HERC6: variants seen among roughly 807,000 people sequenced by gnomAD.
HERC6 encodes the protein HECT and RLD domain containing E3 ubiquitin protein ligase family member 6.
Under a neutral mutation model 114.5 loss-of-function variants are expected in HERC6, and 101 were observed. The ratio of observed to expected loss-of-function variants is 0.88; its 90% CI spans 0.75 to 1.04. The LOEUF is 1.04. Among genes scored for constraint, HERC6 ranks in the 50% least tolerant of loss-of-function variants. The pLI is 0.00. For missense variants in HERC6, 1,133 were observed against 1,230.9 expected, an observed-to-expected ratio of 0.92 and a Z score of 1.19; for synonymous variants, 408 against 436.2, an observed-to-expected ratio of 0.94 and a Z score of 0.81.
Position 88,404,865 on chromosome 4 carries a change from C to T in HERC6, c.1093-11C>T, listed in dbSNP as rs1735739837. On this transcript the variant is annotated splice_polypyrimidine_tract_variant and intron_variant, in intron 8 of 22. Transcript: ENST00000264346. The stretch of plus-strand genomic sequence containing the variant: ...TGTTCCTGATCATTCTTGTTTCTTC[C>T]TTCCCTGAAGGATACTAGTTCCACA... The T allele has an allele frequency of 1.2e-6, 2 of 1,612,228 alleles. No homozygotes were observed. Among genetic ancestry groups the T allele is most frequent in the Non-Finnish European group, 1.7e-6 (2 of 1,179,068 alleles).
Position 88,385,565 on chromosome 4 carries a change from A to T in HERC6, c.426A>T (p.Ala142=). The T allele has an allele frequency of 6.7e-7, 1 of 1,497,642 alleles. No homozygotes were observed. Among genetic ancestry groups the T allele is most frequent in the Non-Finnish European group, 9.0e-7 (1 of 1,117,142 alleles). 92.8% of individuals were successfully genotyped at this position (1,497,642 alleles called of 1,614,324 possible). A position where few individuals can be genotyped will look rare whatever the true frequency, so the allele number is the denominator to read the frequency against. Residue 142 remains alanine (A), a synonymous_variant, in exon 3 of 23, where the codon GCA becomes GCT. Transcript: ENST00000264346. ...CCTGTGGACACTACCACTCCCTGGCATTATCAAAAGGTAAGAAACACTTTT... is the reference window on the plus strand; with the variant it reads ...CCTGTGGACACTACCACTCCCTGGCTTTATCAAAAGGTAAGAAACACTTTT... The part of the protein sequence containing the change: ...QVSCGHYHSL[A]LSKDSQVFSW...
At chr4:88,382,232 A>C (rs1032793751) in intron 1 of HERC6, among the ~76,000 whole-genome samples, 5 of 152,156 alleles carry the variant, frequency 3.3e-5, no homozygotes, top group Non-Finnish European at 7.4e-5. Flanking sequence ...GATGTTCTCA[A>C]CTCCAAACCT....
At chr4:88,434,235 G>C (rs934090336) in intron 17 of HERC6, among the ~76,000 whole-genome samples, 2 of 152,236 alleles carry the variant, frequency 1.3e-5, no homozygotes, top group South Asian at 4.1e-4. Context: ...AATCTTCAGT[G>C]ATGGTGAGTG....
chr4:88,406,744 TG>T (rs1289126841), intron 10 of HERC6, among the ~76,000 whole-genome samples: 2 of 152,178 alleles, frequency 1.3e-5, no homozygotes, highest in African/African-American at 2.4e-5. Context: ...AATCTTTCTT[TG>T]TTTTTTTATT....
intron 13 of HERC6, among the ~76,000 whole-genome samples, chr4:88,420,146 T>G (rs947682249): frequency 6.6e-6 from 1 of 152,150 alleles, no homozygotes; most frequent in Non-Finnish European, 1.5e-5. Flanking sequence ...AATTTACTTC[T>G]TAATAAAATA....
intron 12 of HERC6, among the ~76,000 whole-genome samples, chr4:88,416,421 T>C (rs1736481716): frequency 6.6e-6 from 1 of 152,184 alleles, no homozygotes; most frequent in Admixed American, 6.5e-5. Context: ...ATAATATGAA[T>C]TGCAAGTATT....
At chr4:88,401,144 G>T (rs1160620608) in intron 8 of HERC6, among the ~76,000 whole-genome samples, 5 of 152,160 alleles carry the variant, frequency 3.3e-5, no homozygotes, top group African/African-American at 1.2e-4. Flanking sequence ...ACAACTCTGA[G>T]AAATTTTGAT....
chr4:88,385,406 A>T, intron 2 of HERC6, 93 bp from the exon 3 acceptor site: 1 of 661,196 alleles, frequency 1.5e-6, no homozygotes. Flanking sequence ...CCTGGACCAG[A>T]TGTATTATTT....
rs768384498 is a variant in HERC6, at chr4:88,436,977, T to C, written c.2484+6T>C. 1 of 1,584,674 alleles carries C rather than the reference T, an allele frequency of 6.3e-7. No individual in the cohort carries two copies. Among genetic ancestry groups the C allele is most frequent in the Non-Finnish European group, 8.6e-7 (1 of 1,163,512 alleles). ...CGCTCTGCATACGCTTTTCTGTGAG[T>C]ACTAATGAAAGCCAAATTATAGTTT... On this transcript the variant is annotated splice_donor_region_variant and intron_variant, in intron 19 of 22. Coordinates refer to ENST00000264346, the MANE Select transcript of HERC6 (RefSeq NM_017912.4).
At chr4:88,391,383 T>A (rs1734910497) in intron 4 of HERC6, among the ~76,000 whole-genome samples, 1 of 152,202 alleles carries the variant, frequency 6.6e-6, no homozygotes, top group African/African-American at 2.4e-5. Context: ...CAGGCGCATC[T>A]CCCTTGTTTT....
intron 16 of HERC6, among the ~76,000 whole-genome samples, chr4:88,430,025 C>T (rs553655432): frequency 7.2e-5 from 11 of 152,068 alleles, no homozygotes; most frequent in Non-Finnish European, 1.3e-4. Context: ...CAGAAGTAGG[C>T]TTAATTTGTT....
intron 10 of HERC6, among the ~76,000 whole-genome samples, chr4:88,408,194 G>C (rs1192241897): frequency 6.6e-6 from 1 of 152,058 alleles, no homozygotes; most frequent in Non-Finnish European, 1.5e-5. Flanking sequence ...GGAGGGTGGG[G>C]GGTAGGTAGT....
intron 17 of HERC6, among the ~76,000 whole-genome samples, chr4:88,434,716 A>G (rs1179232692): frequency 6.6e-6 from 1 of 151,242 alleles, no homozygotes; most frequent in African/African-American, 2.4e-5. Context: ...CTAATCCCAG[A>G]GCTCTTACTC....
chr4:88,439,838 CTTTCTTTT>C, intron 20 of HERC6, 28 bp from the exon 21 acceptor site: 6 of 1,284,492 alleles, frequency 4.7e-6, no homozygotes, highest in African/African-American at 1.6e-5. Context: ...CTTTTCCTTC[CTTTCTTTT>C]TTTTTTTTTT....
rs2149015829 is a variant in HERC6 at position 88,435,756 on chromosome 4, T to C, written c.2282T>C (p.Phe761Ser). 1 of 1,583,104 alleles carries C rather than the reference T, an allele frequency of 6.3e-7. No homozygotes were observed. The highest frequency in any genetic ancestry group is 8.6e-7 in the Non-Finnish European group (1 of 1,164,004). Residue 761 changes from phenylalanine to serine, a missense_variant, in exon 18 of 23, where the codon TTT becomes TCT. Phe to Ser is a radical substitution (Grantham distance 155). This residue lies in a region of HERC6 where 388 missense variants were observed against 445.9 expected (regional missense o/e 0.87). Transcript: ENST00000264346. ...CCTGAGAAGAAAAGATATTTCCTCT[T>C]TGGAATGCTGTGTGGACTCTCCTTA... ...PKPEKKRYFL[F>S]GMLCGLSLFN...
chr4:88,429,692 C>T (rs987276060), intron 16 of HERC6, among the ~76,000 whole-genome samples: 1 of 152,158 alleles, frequency 6.6e-6, no homozygotes, highest in African/African-American at 2.4e-5. Flanking sequence ...GAGAAGAAAT[C>T]AGAACCTGGG....
chr4:88,393,100 G>A (rs1009427050), intron 4 of HERC6, among the ~76,000 whole-genome samples: 1 of 152,200 alleles, frequency 6.6e-6, no homozygotes, highest in South Asian at 2.1e-4. Context: ...AGGCATGAGG[G>A]TCTTGAAGCT....
chr4:88,396,726 G>T, intron 6 of HERC6, 125 bp from the exon 7 acceptor site: 1 of 756,086 alleles, frequency 1.3e-6, no homozygotes, highest in Non-Finnish European at 2.0e-6. Context: ...TGTGATAAGG[G>T]AGCTGCGTAC....
rs1271778449 is a variant in HERC6 at position 88,423,936 on chromosome 4, T to C, written c.1790T>C (p.Ile597Thr). 1 of 1,559,410 alleles carries C rather than the reference T, an allele frequency of 6.4e-7. No individual in the cohort carries two copies. Among genetic ancestry groups the C allele is most frequent in the Admixed American group, 2.0e-5 (1 of 50,410 alleles). ...NELSNLLNFY[I>T]DRGRQLFRDN... is the part of the protein sequence containing the mutation. ...CTCTCCAACTTATTAAACTTTTATATAGATAGAGGAAGACAGCTCTTTCGG... is the reference window on the plus strand; with the variant it reads ...CTCTCCAACTTATTAAACTTTTATACAGATAGAGGAAGACAGCTCTTTCGG... Residue 597 changes from isoleucine (I) to threonine (T), a missense_variant, in exon 14 of 23, where the codon ATA becomes ACA. By Grantham distance (89) the Ile-to-Thr change is moderately conservative. This residue lies in a region of HERC6 where 735 missense variants were observed against 754.0 expected (regional missense o/e 0.97). Coordinates refer to ENST00000264346, the MANE Select transcript of HERC6 (RefSeq NM_017912.4).
Sources: allele counts gnomAD v4.1 joint callset (sites outside exome capture counted in the v4.1 genomes callset), GRCh38; gene constraint gnomAD v4.1.1; regional missense constraint gnomAD v4.1.1; transcripts MANE v1.5; gene names NCBI Gene and HGNC (gene_info 2026-07-23, HGNC 2026-07-21).